OPRD1: variants seen among roughly 807,000 people sequenced by gnomAD.
OPRD1 encodes the protein delta-type opioid receptor.
Under a neutral mutation model 17.5 loss-of-function variants are expected in OPRD1, and 19 were observed. The ratio of observed to expected loss-of-function variants is 1.09; its 90% CI spans 0.76 to 1.60. The LOEUF (loss-of-function observed/expected upper bound fraction) is 1.60, where lower values mean the gene tolerates loss of function less well. Among genes scored for constraint, OPRD1 ranks in the 40% most tolerant of loss-of-function variants. The pLI is 0.00. For missense variants in OPRD1, 483 were observed against 547.2 expected (o/e 0.88, Z 1.17); for synonymous variants, 256 against 240.9 (o/e 1.06, Z -0.58).
chr1:28,856,597 G>A (rs191962646), intron 1 of OPRD1, among the ~76,000 whole-genome samples: 7 of 152,254 alleles, frequency 4.6e-5, no homozygotes, highest in Admixed American at 2.6e-4. Context: ...CGGGGTGCCC[G>A]TGTGTTGCTG....
At chr1:28,845,574 C>T (rs538796182) in intron 1 of OPRD1, among the ~76,000 whole-genome samples, 2 of 151,078 alleles carry the variant, frequency 1.3e-5, no homozygotes, top group South Asian at 4.2e-4. Context: ...AAATCATTGC[C>T]AAATCTAAGA....
chr1:28,861,415 T>C (rs1480112375), intron 2 of OPRD1, among the ~76,000 whole-genome samples: 2 of 152,154 alleles, frequency 1.3e-5, no homozygotes, highest in Admixed American at 6.5e-5. Flanking sequence ...TGAAGTCTGC[T>C]TTCCTCCCAG....
intron 1 of OPRD1, among the ~76,000 whole-genome samples, chr1:28,830,879 C>T (rs2088803511): frequency 1.3e-5 from 2 of 152,232 alleles, no homozygotes; most frequent in South Asian, 4.1e-4. Flanking sequence ...ATGGCTTTAG[C>T]ACAGGGCCTG....
At chr1:28,833,094 G>T (rs1286427066) in intron 1 of OPRD1, among the ~76,000 whole-genome samples, 1 of 152,186 alleles carries the variant, frequency 6.6e-6, no homozygotes, top group Admixed American at 6.5e-5. Context: ...CTCTACAGGA[G>T]ACCTTGCATG....
chr1:28,816,721 C>T (rs1044076536), intron 1 of OPRD1, among the ~76,000 whole-genome samples: 1 of 152,096 alleles, frequency 6.6e-6, no homozygotes, highest in South Asian at 2.1e-4. Flanking sequence ...CACGATGACT[C>T]GTGCTGGCCA....
At chr1:28,839,811 C>A (rs556408) in intron 1 of OPRD1, among the ~76,000 whole-genome samples, 124,990 of 152,210 alleles carry the variant, frequency 0.82, 52,083 homozygotes, top group East Asian at 1. Flanking sequence ...CAGGGCAAAC[C>A]GGGTCAGGCC....
At chr1:28,831,556 G>C (rs530323361) in intron 1 of OPRD1, among the ~76,000 whole-genome samples, 17 of 151,588 alleles carry the variant, frequency 1.1e-4, no homozygotes, top group Middle Eastern at 3.4e-3. Flanking sequence ...ATACTGACTC[G>C]GTCGGAGTTA....
chr1:28,813,585 C>G (rs2088649724), intron 1 of OPRD1, among the ~76,000 whole-genome samples: 1 of 152,122 alleles, frequency 6.6e-6, no homozygotes, highest in East Asian at 1.9e-4. Flanking sequence ...TCAGCTTGCC[C>G]CAGAAGTAGC....
intron 1 of OPRD1, among the ~76,000 whole-genome samples, chr1:28,819,264 A>G (rs1372112483): frequency 1.3e-5 from 2 of 151,802 alleles, no homozygotes; most frequent in African/African-American, 4.9e-5. Context: ...CAGACTGGAC[A>G]ACATAGCAAG....
At chr1:28,836,825 C>A (rs927415393) in intron 1 of OPRD1, among the ~76,000 whole-genome samples, 5 of 152,084 alleles carry the variant, frequency 3.3e-5, no homozygotes, top group African/African-American at 1.2e-4. Flanking sequence ...TAGCTGGGAC[C>A]AGTGTGTGCC....
At chr1:28,818,122 G>A (rs1401823133) in intron 1 of OPRD1, among the ~76,000 whole-genome samples, 1 of 152,236 alleles carries the variant, frequency 6.6e-6, no homozygotes, top group African/African-American at 2.4e-5. Context: ...CATGCCCTGC[G>A]CTGTGGTTTC....
rs540535703 is a variant in OPRD1, at chr1:28,831,310, G to A, written c.227+18700G>A. On this transcript the variant is annotated intron_variant, in intron 1 of 2. Coordinates refer to ENST00000234961, the MANE Select transcript of OPRD1 (RefSeq NM_000911.4). ...GTGGATCACGAGGTCAGGAGATGGA[G>A]ACCATCCTGGCCAACATGGTGAAAC... Among the ~76,000 whole-genome samples the A allele has an allele frequency of 2.0e-5, 3 of 152,268 alleles. No individual in the cohort carries two copies. The South Asian group carries it at 6.2e-4, about 32-fold the overall frequency.
In OPRD1 at chr1:28,860,702, A is replaced by G. The variant is rs2089106858; in HGVS notation, c.577+1399A>G. The stretch of plus-strand genomic sequence containing the variant: ...GGTCAGGTGGTTTACTTAGGGTCAC[A>G]CAGCCAGGCATTTTGTGGAATTTGG... On this transcript the variant is annotated intron_variant, in intron 2 of 2. Transcript: ENST00000234961. 5.3e-5 allele frequency among the ~76,000 whole-genome samples: 8 copies of G among 152,324 alleles called. 1 individual carries two copies. The South Asian group carries it at 1.7e-3, about 32-fold the overall frequency.
At chr1:28,837,823 C>G (rs556538034) in intron 1 of OPRD1, among the ~76,000 whole-genome samples, 2 of 148,590 alleles carry the variant, frequency 1.3e-5, no homozygotes, top group African/African-American at 5.0e-5. Flanking sequence ...ACCCAACTCT[C>G]TCTTCATGTA....
rs773578102 is a variant in OPRD1 at position 28,823,190 on chromosome 1, CTTTTTTTTTTT to C, written c.227+10594_227+10604del. Among the ~76,000 whole-genome samples, 121 of 101,902 alleles carry C rather than the reference CTTTTTTTTTTT, an allele frequency of 1.2e-3. 1 individual carries two copies. The highest frequency in any genetic ancestry group is 2.3e-3 in the Admixed American group (22 of 9,474). The allele number at this position is 101,902 out of a possible 152,430, so 66.9% of individuals were successfully genotyped here. On this transcript the variant is annotated intron_variant, in intron 1 of 2. Transcript: ENST00000234961. ...CAGAAAGAATCTTTTCTTCTGTAGT[CTTTTTTTTTTT>C]TTTTTTTTTTTTTGACATGGAGCCT...
In OPRD1 at chr1:28,854,948, C is replaced by A. The variant is rs866552022; in HGVS notation, c.228-4006C>A. On this transcript the variant is annotated intron_variant, in intron 1 of 2. Transcript: ENST00000234961. ...TACAGGCATGAGCCACTGCGCCTGG[C>A]TGAGAGCCTGCTTTTTTGCCGGGCA... Among the ~76,000 whole-genome samples, 9 of 152,294 alleles carry A rather than the reference C, an allele frequency of 5.9e-5. No individual in the cohort carries two copies. The South Asian group carries it at 6.2e-4, about 11-fold the overall frequency.
rs2088966422 is a variant in OPRD1 at position 28,847,764 on chromosome 1, A to G, written c.228-11190A>G. On this transcript the variant is annotated intron_variant, in intron 1 of 2. Transcript: ENST00000234961. ...TAGGATCGCTTGAGCCCAGAAGGCC[A>G]AAGCTACAGTGAGCTATGATTGCAC... is the stretch of plus-strand genomic sequence containing the variant. Among the ~76,000 whole-genome samples, 3 of 152,110 alleles carry G rather than the reference A, an allele frequency of 2.0e-5. No individual in the cohort carries two copies. The South Asian group carries it at 6.2e-4, about 31-fold the overall frequency.
rs2089151148 is a variant in OPRD1 at position 28,864,038 on chromosome 1, GCA to G, written c.*756_*757del. 1 of 152,710 alleles carries G rather than the reference GCA, an allele frequency of 6.5e-6. No individual in the cohort carries two copies. The highest frequency in any genetic ancestry group is 1.5e-5 in the Non-Finnish European group (1 of 68,438). The allele number at this position is 152,710 out of a possible 1,614,324, so 9.5% of individuals were successfully genotyped here. A position where few individuals can be genotyped will look rare whatever the true frequency, so the allele number is the denominator to read the frequency against. On this transcript the variant is annotated 3_prime_UTR_variant, in exon 3 of 3. Coordinates refer to ENST00000234961, the MANE Select transcript of OPRD1 (RefSeq NM_000911.4). ...AATCCCAGCACTTTGGGAGGCCGAGGCAGGTGGATGGACATGAGCCCAGGAGT... is the reference window on the plus strand; with the variant it reads ...AATCCCAGCACTTTGGGAGGCCGAGGGGTGGATGGACATGAGCCCAGGAGT...
At chr1:28,834,177 G>T (rs1307862380) in intron 1 of OPRD1, among the ~76,000 whole-genome samples, 1 of 152,024 alleles carries the variant, frequency 6.6e-6, no homozygotes, top group Non-Finnish European at 1.5e-5. Flanking sequence ...CTCCCAAAGT[G>T]CTGGGATTAC....
Sources: allele counts gnomAD v4.1 joint callset (sites outside exome capture counted in the v4.1 genomes callset), GRCh38; gene constraint gnomAD v4.1.1; transcripts MANE v1.5; gene names NCBI Gene and HGNC (gene_info 2026-07-23, HGNC 2026-07-21).